Variants in ETV5 observed in about 807,000 individuals in gnomAD.
ETV5 encodes the protein ETS variant transcription factor 5.
ETV5 carries 10 observed loss-of-function variants against 70.0 expected under a neutral mutation model. The observed-to-expected ratio is 0.14, with a 90% CI of 0.09 to 0.24. The LOEUF (loss-of-function observed/expected upper bound fraction) is 0.24, where lower values mean the gene tolerates loss of function less well. ETV5 is among the 10% of genes least tolerant of loss of function. The probability of loss-of-function intolerance (pLI) is 1.00; values close to 1 mark genes in which losing one functional copy is unlikely to be tolerated. For missense variants in ETV5, 453 were observed against 651.2 expected (o/e 0.70, Z 3.31); for synonymous variants, 216 against 242.2 (o/e 0.89, Z 1.01).
At chr3:186,104,535 A>C (rs943969116) in intron 5 of ETV5, among the ~76,000 whole-genome samples, 14 of 152,230 alleles carry the variant, frequency 9.2e-5, no homozygotes, top group African/African-American at 3.4e-4. Flanking sequence ...GGATGAAGCC[A>C]AAGTTAACTG....
rs746538153 is a variant in ETV5 at position 186,052,159 on chromosome 3, T to C, written c.1210-28A>G. 1.2e-6 allele frequency: 2 copies of C among 1,603,082 alleles called. No individual in the cohort carries two copies. Among genetic ancestry groups the C allele is most frequent in the South Asian group, 2.2e-5 (2 of 90,848 alleles). ...GAAGAGACAGGAAAGTGAAGAGCAA[T>C]GGAAACGCATTCCCTGGGCCCCATG... On this transcript the variant is annotated intron_variant, in intron 11 of 12. Transcript: ENST00000306376. This position sits in a 1 kb window ranked among gnomAD's most constrained non-coding sequence, Gnocchi z 4.5.
chr3:186,048,521 G>T lies in ETV5; in HGVS notation c.*118C>A. ...ATCCAGAGACAGCTTGGGTTCTCCA[G>T]ATAATACTCAAAGGGCAAGCTTTAG... On this transcript the variant is annotated 3_prime_UTR_variant, in exon 13 of 13. Transcript: ENST00000306376. 1.1e-6 allele frequency: 1 copy of T among 915,850 alleles called. No individual in the cohort carries two copies. The highest frequency in any genetic ancestry group is 1.7e-6 in the Non-Finnish European group (1 of 585,202). The allele number at this position is 915,850 out of a possible 1,614,324, so 56.7% of individuals were successfully genotyped here.
intron 7 of ETV5, among the ~76,000 whole-genome samples, chr3:186,076,024 A>G (rs567045514): frequency 2.2e-4 from 33 of 152,358 alleles, no homozygotes; most frequent in African/African-American, 7.2e-4. Context: ...CACCCAGCAC[A>G]TGTAAACATC....
rs770647953 is a variant in ETV5 at position 186,057,129 on chromosome 3, G to A, written c.1155C>T (p.His385=). The change falls in exon 11 of 13, where the codon CAC becomes CAT. Residue 385 remains histidine, a synonymous_variant. Transcript: ENST00000306376. The surrounding 1 kb of genome is among the most constrained non-coding windows in gnomAD (Gnocchi z 4.9). The part of the protein sequence containing the change: ...VTLLDDPANA[H]FIAWTGRGME... ...TGCCTCGACCTGTCCAGGCAATGAA[G>A]TGGGCATTGGCTGGGTCATCAAGAA... 1.9e-6 allele frequency: 3 copies of A among 1,614,214 alleles called. No homozygotes were observed. The highest frequency in any genetic ancestry group is 1.3e-5 in the African/African-American group (1 of 75,058).
Position 186,079,814 on chromosome 3 carries a change from C to A in ETV5, c.650+3G>T, listed in dbSNP as rs2150149196. 2 of 1,596,600 alleles carry A rather than the reference C, an allele frequency of 1.3e-6. No homozygotes were observed. Among genetic ancestry groups the A allele is most frequent in the East Asian group, 4.6e-5 (2 of 43,494 alleles). Reference sequence around the variant, plus strand: ...TAAGGAAGAAGCCCAGATCAACACCCACCTCTGTTCTGATGGATACTGGTT... The same window carrying A: ...TAAGGAAGAAGCCCAGATCAACACCAACCTCTGTTCTGATGGATACTGGTT... On this transcript the variant is annotated splice_donor_region_variant and intron_variant, in intron 7 of 12. Transcript: ENST00000306376.
At chr3:186,056,192 A>G (rs1322353374) in intron 11 of ETV5, among the ~76,000 whole-genome samples, 1 of 152,192 alleles carries the variant, frequency 6.6e-6, no homozygotes, top group East Asian at 1.9e-4. Context: ...TCTGGGCACA[A>G]AAACAGTAAC....
intron 6 of ETV5, 84 bp downstream of exon 6, chr3:186,080,962 A>G (rs1713919783): frequency 1.3e-6 from 2 of 1,487,808 alleles, no homozygotes; most frequent in Admixed American, 4.1e-5. Flanking sequence ...CTGGGTAAGT[A>G]ACACTGGGAA....
At chr3:186,104,742 CTT>C (rs869046424) in intron 5 of ETV5, among the ~76,000 whole-genome samples, 21 of 136,714 alleles carry the variant, frequency 1.5e-4, no homozygotes, top group Admixed American at 2.9e-4. Context: ...TTGCAATATT[CTT>C]TTTTTTTTTT....
At chr3:186,108,757 G>A (rs869401) in intron 1 of ETV5, 183 bp downstream of exon 1, 585,882 of 819,252 alleles carry the variant, frequency 0.72, 214,726 homozygotes, top group Non-Finnish European at 0.75. Context: ...ACGCCTCCCA[G>A]GAACCAAACC....
chr3:186,075,896 G>A (rs1386876972), intron 7 of ETV5, among the ~76,000 whole-genome samples: 2 of 152,172 alleles, frequency 1.3e-5, no homozygotes, highest in East Asian at 1.9e-4. Context: ...TTTTCTTAGT[G>A]GAGCTTCTTC....
chr3:186,062,896 TTTTGTCTG>T (rs1414492346), intron 9 of ETV5, among the ~76,000 whole-genome samples: 1 of 152,206 alleles, frequency 6.6e-6, no homozygotes, highest in Non-Finnish European at 1.5e-5. Context: ...ATTTTCATCT[TTTTGTCTG>T]TTTGTATTTT....
intron 7 of ETV5, among the ~76,000 whole-genome samples, chr3:186,071,967 T>A (rs1382970192): frequency 2.0e-5 from 3 of 151,712 alleles, no homozygotes; most frequent in South Asian, 4.2e-4. Context: ...ATGGCTAATT[T>A]TTTTGTATTG....
Position 186,046,666 on chromosome 3 carries a change from A to G in ETV5, c.*1973T>C, listed in dbSNP as rs1439793424. ...CATATTGCTAAGACAGCATAAATCC[A>G]TTCAAAAGAAAAAAAAAAAAAATCC... is the stretch of plus-strand genomic sequence containing the variant. On this transcript the variant is annotated 3_prime_UTR_variant, in exon 13 of 13. Coordinates refer to ENST00000306376, the MANE Select transcript of ETV5 (RefSeq NM_004454.3). 1 of 210,878 alleles carries G rather than the reference A, an allele frequency of 4.7e-6. No homozygotes were observed. Among genetic ancestry groups the G allele is most frequent in the East Asian group, 6.6e-5 (1 of 15,218 alleles). 13.1% of individuals were successfully genotyped at this position (210,878 alleles called of 1,614,324 possible).
chr3:186,062,951 AAAAATAAGCTAC>A (rs1713342057), intron 9 of ETV5, among the ~76,000 whole-genome samples: 1 of 152,112 alleles, frequency 6.6e-6, no homozygotes, highest in African/African-American at 2.4e-5. Context: ...TGCTTGTGCT[AAAAATAAGCTAC>A]AAAAGTTTAT....
chr3:186,047,096 A>C lies in ETV5; in HGVS notation c.*1543T>G. The C allele has an allele frequency of 4.4e-6, 1 of 228,464 alleles. No individual in the cohort carries two copies. The highest frequency in any genetic ancestry group is 6.3e-5 in the East Asian group (1 of 15,846). The allele number at this position is 228,464 out of a possible 1,614,324, so 14.2% of individuals were successfully genotyped here. On this transcript the variant is annotated 3_prime_UTR_variant, in exon 13 of 13. Coordinates refer to ENST00000306376, the MANE Select transcript of ETV5 (RefSeq NM_004454.3). ...AGCACTGCCTCCTTCACATACGAGGAACAGTGTAGTCATTCTTAATGTACT... is the reference window on the plus strand; with the variant it reads ...AGCACTGCCTCCTTCACATACGAGGCACAGTGTAGTCATTCTTAATGTACT...
intron 5 of ETV5, among the ~76,000 whole-genome samples, chr3:186,082,251 T>A (rs761868660): frequency 1.8e-4 from 28 of 152,232 alleles, no homozygotes; most frequent in Non-Finnish European, 2.8e-4. Flanking sequence ...GTTAAGCTTC[T>A]ATGCTGGCCA....
chr3:186,101,413 A>T (rs920450410), intron 5 of ETV5, among the ~76,000 whole-genome samples: 6 of 152,176 alleles, frequency 3.9e-5, no homozygotes, highest in Non-Finnish European at 7.3e-5. Context: ...TTGGCCTCCT[A>T]AAGCACTGAG....
rs865886165 is a variant in ETV5 at position 186,079,979 on chromosome 3, G to A, written c.488C>T (p.Ala163Val). 6.3e-7 allele frequency: 1 copy of A among 1,592,184 alleles called. No homozygotes were observed. The highest frequency in any genetic ancestry group is 8.5e-7 in the Non-Finnish European group (1 of 1,171,774). The change falls in exon 7 of 13, where the codon GCC (alanine) becomes GTC (valine). Residue 163 changes from alanine to valine, a missense_variant. Ala to Val is a moderately conservative substitution (Grantham distance 64). This residue lies in a region of ETV5 where 307 missense variants were observed against 344.9 expected (regional missense o/e 0.89). Transcript: ENST00000306376. ...ACCTTGAACTGGGCCAGCTGCAGGG[G>A]CATGCCCTGAGGTGGGCAGAGTTGC... ...PQATLPTSGH[A>V]PAAGPVQGVG...
intron 9 of ETV5, among the ~76,000 whole-genome samples, chr3:186,061,960 C>T (rs923652413): frequency 1.3e-5 from 2 of 152,190 alleles, no homozygotes; most frequent in African/African-American, 4.8e-5. Context: ...AACAGACCCT[C>T]ACAAAAACCG....
Sources: allele counts gnomAD v4.1 joint callset (sites outside exome capture counted in the v4.1 genomes callset), GRCh38; gene constraint gnomAD v4.1.1; regional missense constraint gnomAD v4.1.1; non-coding constraint Gnocchi (gnomAD v3.1); transcripts MANE v1.5; gene names NCBI Gene and HGNC (gene_info 2026-07-23, HGNC 2026-07-21).